EMSY: variants seen among roughly 807,000 people sequenced by gnomAD.
EMSY encodes EMSY transcriptional repressor, BRCA2 interacting.
Under a neutral mutation model 134.6 loss-of-function variants are expected in EMSY, and 26 were observed. The observed-to-expected ratio is 0.19, with a 90% CI of 0.14 to 0.27. The LOEUF (loss-of-function observed/expected upper bound fraction) is 0.27, where lower values mean the gene tolerates loss of function less well. Ranked by LOEUF, EMSY falls within the 10% of genes least tolerant of loss-of-function variation. The pLI, the probability that EMSY is intolerant of heterozygous loss-of-function variation, is 1.00. For synonymous variants in EMSY, 579 were observed against 577.8 expected, an observed-to-expected ratio of 1.00 and a Z score of -0.03; for missense variants, 1,305 against 1,611.4, an observed-to-expected ratio of 0.81 and a Z score of 3.26.
At chr11:76,458,184 A>T in exon 5 of EMSY, 6 of 1,601,052 alleles carry the variant, frequency 3.7e-6, no homozygotes, top group Non-Finnish European at 5.1e-6. Flanking sequence ...TTTGTTTAGT[A>T]TGTCTGGACC....
chr11:76,483,669 T>G (rs1194328425), intron 8 of EMSY, among the ~76,000 whole-genome samples: 1 of 152,050 alleles, frequency 6.6e-6, no homozygotes, highest in African/African-American at 2.4e-5. Context: ...TACATAATGG[T>G]AAAGAGATCA....
At chr11:76,480,270 G>A (rs1948919212) in intron 8 of EMSY, among the ~76,000 whole-genome samples, 1 of 152,348 alleles carries the variant, frequency 6.6e-6, no homozygotes, top group South Asian at 2.1e-4. Flanking sequence ...GCACTCATAA[G>A]TGCTGTGATG....
chr11:76,546,245 A>G, exon 20 of EMSY: 1 of 1,614,004 alleles, frequency 6.2e-7, no homozygotes, highest in Non-Finnish European at 8.5e-7. Context: ...ATGCGTATTC[A>G]GAATGTAGGC....
chr11:76,489,175 A>G (rs1030089447), intron 8 of EMSY, among the ~76,000 whole-genome samples: 5 of 152,272 alleles, frequency 3.3e-5, no homozygotes, highest in Non-Finnish European at 7.3e-5. Flanking sequence ...CAGAGGAGAA[A>G]GGAAATTAGG....
chr11:76,518,254 G>A (rs1299376264), intron 11 of EMSY, among the ~76,000 whole-genome samples: 1 of 147,706 alleles, frequency 6.8e-6, no homozygotes, highest in Admixed American at 7.0e-5. Flanking sequence ...TACAGCGTCA[G>A]CCTCCTGGGC....
chr11:76,498,580 G>A (rs912291912), intron 9 of EMSY, among the ~76,000 whole-genome samples: 9 of 151,796 alleles, frequency 5.9e-5, no homozygotes, highest in East Asian at 1.9e-4. Context: ...ATTATGTAGC[G>A]TTCCTTTTTT....
chr11:76,503,112 C>A (rs1264382768), intron 9 of EMSY, among the ~76,000 whole-genome samples: 1 of 151,894 alleles, frequency 6.6e-6, no homozygotes, highest in Non-Finnish European at 1.5e-5. Flanking sequence ...ATCAGACTGG[C>A]CAACATGGTG....
At chr11:76,521,417 A>T (rs1950631579) in intron 11 of EMSY, among the ~76,000 whole-genome samples, 1 of 152,306 alleles carries the variant, frequency 6.6e-6, no homozygotes, top group Admixed American at 6.5e-5. Context: ...ATAAAAAGGT[A>T]CAGTGTGGAG....
chr11:76,518,389 A>G (rs79147529), intron 11 of EMSY, among the ~76,000 whole-genome samples: 6 of 151,426 alleles, frequency 4.0e-5, no homozygotes, highest in Non-Finnish European at 7.4e-5. Context: ...GCTGGTCTCA[A>G]ACTCCTGAGT....
intron 19 of EMSY, among the ~76,000 whole-genome samples, chr11:76,545,509 AG>A (rs1951611157): frequency 1.3e-5 from 2 of 152,202 alleles, no homozygotes; most frequent in African/African-American, 4.8e-5. Context: ...TGTACTGTTT[AG>A]GGCTGTAAAC....
At chr11:76,503,860 CTGCAACT>C (rs1355441038) in intron 9 of EMSY, among the ~76,000 whole-genome samples, 1 of 152,146 alleles carries the variant, frequency 6.6e-6, no homozygotes, top group African/African-American at 2.4e-5. Flanking sequence ...TCTTGGCTCA[CTGCAACT>C]TACGCCTCCT....
chr11:76,468,343 A>G (rs1948442759), intron 7 of EMSY, among the ~76,000 whole-genome samples: 2 of 150,898 alleles, frequency 1.3e-5, no homozygotes, highest in African/African-American at 5.0e-5. Context: ...GTTTAAAACA[A>G]ATTAAATTAA....
Position 76,496,547 on chromosome 11 carries a change from G to A in EMSY, c.1363+78G>A, listed in dbSNP as rs554688298. ...TTTTAGTCTTCCAGTCCATGAACAC[G>A]GTATGTCTCTTCATTTATTTAGGTC... is the stretch of plus-strand genomic sequence containing the variant. On this transcript the variant is annotated intron_variant, in intron 9 of 20. Transcript: ENST00000334736. The A allele has an allele frequency of 1.2e-4, 177 of 1,477,250 alleles. No homozygotes were observed. The African/African-American group carries it at 2.0e-3, about 17-fold the overall frequency. The allele number at this position is 1,477,250 out of a possible 1,614,324, so 91.5% of individuals were successfully genotyped here.
intron 4 of EMSY, among the ~76,000 whole-genome samples, chr11:76,457,528 A>G (rs1947923501): frequency 6.6e-6 from 1 of 152,334 alleles, no homozygotes; most frequent in South Asian, 2.1e-4. Flanking sequence ...AGGGTGGTAT[A>G]AATAAATAAA....
intron 6 of EMSY, among the ~76,000 whole-genome samples, chr11:76,463,496 G>T (rs1948215120): frequency 6.6e-6 from 1 of 151,944 alleles, no homozygotes; most frequent in African/African-American, 2.4e-5. Context: ...GGTGGCGGGT[G>T]CCTGTAGTCC....
chr11:76,481,235 G>A (rs1948966814), intron 8 of EMSY, among the ~76,000 whole-genome samples: 1 of 151,968 alleles, frequency 6.6e-6, no homozygotes, highest in African/African-American at 2.4e-5. Context: ...AGTAGAGACG[G>A]GGTTTCATCA....
At chr11:76,472,342 G>A (rs1189103658) in intron 7 of EMSY, among the ~76,000 whole-genome samples, 1 of 152,056 alleles carries the variant, frequency 6.6e-6, no homozygotes, top group Non-Finnish European at 1.5e-5. Flanking sequence ...CAGCGTTGAT[G>A]TTATCTTTTA....
chr11:76,522,943 A>T (rs1173638064), intron 11 of EMSY, among the ~76,000 whole-genome samples: 1 of 152,230 alleles, frequency 6.6e-6, no homozygotes, highest in East Asian at 1.9e-4. Flanking sequence ...TTCTAAAAAG[A>T]TGACTGCTTT....
At chr11:76,469,839 T>C (rs1325264096) in intron 7 of EMSY, among the ~76,000 whole-genome samples, 1 of 152,216 alleles carries the variant, frequency 6.6e-6, no homozygotes, top group African/African-American at 2.4e-5. Context: ...TTGGTCTACT[T>C]CTCAGCTTGT....
Sources: gnomAD v4.1 joint callset for allele counts (sites outside exome capture counted in the v4.1 genomes callset) on GRCh38, gnomAD v4.1.1 for gene constraint, MANE v1.5 for transcripts, NCBI Gene and HGNC (gene_info 2026-07-23, HGNC 2026-07-21) for gene names.